Variants in LLGL2 observed in about 807,000 individuals in gnomAD.
The protein encoded by LLGL2 is LLGL2, scribble cell polarity complex component.
A neutral mutation model predicts 123.2 loss-of-function variants in LLGL2; 81 were observed. The observed-to-expected ratio is 0.66, with a 90% CI of 0.55 to 0.79. LLGL2 has a LOEUF of 0.79. Ranked by LOEUF, LLGL2 falls within the 30% of genes least tolerant of loss-of-function variation. The pLI is 0.00. For synonymous variants in LLGL2, 577 were observed against 594.1 expected (o/e 0.97, Z 0.42); for missense variants, 1,273 against 1,414.6 (o/e 0.90, Z 1.61).
chr17:75,545,619 G>C (rs1221664025), intron 2 of LLGL2, among the ~76,000 whole-genome samples: 1 of 152,196 alleles, frequency 6.6e-6, no homozygotes, highest in Admixed American at 6.5e-5. Flanking sequence ...GTGAAGCAGG[G>C]AGGCTGCTGG....
intron 6 of LLGL2, 167 bp from the exon 7 acceptor site, chr17:75,562,849 C>T: frequency 2.4e-6 from 2 of 820,040 alleles, no homozygotes; most frequent in South Asian, 3.5e-5. Flanking sequence ...GGATTACAGG[C>T]ATGAGCCACC....
intron 3 of LLGL2, among the ~76,000 whole-genome samples, chr17:75,557,234 A>G (rs912331056): frequency 1.3e-5 from 2 of 152,068 alleles, no homozygotes; most frequent in Non-Finnish European, 2.9e-5. Flanking sequence ...GACTGGCCCC[A>G]GGGCCCTATC....
In LLGL2 at chr17:75,549,398, T is replaced by C. The variant is rs570897398; in HGVS notation, c.75+5897T>C. On this transcript the variant is annotated intron_variant, in intron 2 of 25. Transcript: ENST00000392550. This position sits in a 1 kb window ranked among gnomAD's most constrained non-coding sequence, Gnocchi z 4.0. ...ACACCCATCAGGGCAAACAGGCTGCTGTGCTTGCCCGGCTGCCGCAGAAGC... is the reference window on the plus strand; with the variant it reads ...ACACCCATCAGGGCAAACAGGCTGCCGTGCTTGCCCGGCTGCCGCAGAAGC... Among the ~76,000 whole-genome samples, 1 of 152,320 alleles carries C rather than the reference T, an allele frequency of 6.6e-6. No homozygotes were observed. The highest frequency in any genetic ancestry group is 1.9e-4 in the East Asian group (1 of 5,184).
At chr17:75,553,510 T>A (rs2054770628) in intron 2 of LLGL2, among the ~76,000 whole-genome samples, 1 of 152,208 alleles carries the variant, frequency 6.6e-6, no homozygotes, top group Non-Finnish European at 1.5e-5. Context: ...GGACTTCTCC[T>A]TTTCTGCTGC....
At chr17:75,540,175 C>T (rs961254799) in intron 1 of LLGL2, among the ~76,000 whole-genome samples, 3 of 152,200 alleles carry the variant, frequency 2.0e-5, no homozygotes, top group African/African-American at 7.2e-5. Flanking sequence ...CCCCTGGCTC[C>T]CTCCAGGAAT....
chr17:75,526,085 G>A (rs2053556033), intron 1 of LLGL2, among the ~76,000 whole-genome samples: 1 of 152,176 alleles, frequency 6.6e-6, no homozygotes, highest in African/African-American at 2.4e-5. Context: ...AATAATGTTG[G>A]CTTAGGAGAG....
rs745413496 is a variant in LLGL2, at chr17:75,568,793, A to G, written c.1276A>G (p.Thr426Ala). ...CTAGGAGTGGCCAATTGATGGTGGC[A>G]CCAGCCTGACCCCAGCCCCACCCCA... is the stretch of plus-strand genomic sequence containing the variant. ...STMEWPIDGGTSLTPAPPQRD... is the reference protein window; with the variant it reads ...STMEWPIDGGASLTPAPPQRD... Residue 426 changes from threonine (T) to alanine (A), a missense_variant, in exon 12 of 26, where the codon ACC (threonine) becomes GCC (alanine). Transcript: ENST00000392550. 18 of 1,602,380 alleles carry G rather than the reference A, an allele frequency of 1.1e-5. No homozygotes were observed. The African/African-American group carries it at 1.9e-4, about 17-fold the overall frequency.
intron 2 of LLGL2, among the ~76,000 whole-genome samples, chr17:75,545,194 C>T (rs920938590): frequency 6.6e-6 from 1 of 152,062 alleles, no homozygotes; most frequent in African/African-American, 2.4e-5. Flanking sequence ...GTTGTCCCTT[C>T]TTCTTTCCCC....
At chr17:75,545,786 AAGAT>A (rs1465024645) in intron 2 of LLGL2, among the ~76,000 whole-genome samples, 1 of 152,160 alleles carries the variant, frequency 6.6e-6, no homozygotes, top group Non-Finnish European at 1.5e-5. Flanking sequence ...TGCCCCGACT[AAGAT>A]AGGTGACAGC....
rs1257527377 is a variant in LLGL2 at position 75,563,004 on chromosome 17, C to G, written c.531-12C>G. On this transcript the variant is annotated splice_polypyrimidine_tract_variant and intron_variant, in intron 6 of 25. Coordinates refer to ENST00000392550, the MANE Select transcript of LLGL2 (RefSeq NM_001031803.2). Reference sequence around the variant, plus strand: ...GACGGCATCGGAGGCTCACGGCACTCCCCTCGCCCAGGTTGCCAGAGGAGG... The same window carrying G: ...GACGGCATCGGAGGCTCACGGCACTGCCCTCGCCCAGGTTGCCAGAGGAGG... 1 of 1,610,398 alleles carries G rather than the reference C, an allele frequency of 6.2e-7. No homozygotes were observed. Among genetic ancestry groups the G allele is most frequent in the Admixed American group, 1.7e-5 (1 of 60,008 alleles).
chr17:75,547,696 A>G (rs186668084), intron 2 of LLGL2, among the ~76,000 whole-genome samples: 314 of 152,206 alleles, frequency 2.1e-3, no homozygotes, highest in African/African-American at 7.1e-3. Context: ...GTGGTGGCAC[A>G]CGCCTGTAGT....
Position 75,573,650 on chromosome 17 carries a change from G to GGCCTCTCCC in LLGL2, c.2876+23_2876+31dup, listed in dbSNP as rs779397994. On this transcript the variant is annotated intron_variant, in intron 21 of 25. Transcript: ENST00000392550. ...GAGCCAGGTGAGTGAAAGGGCCAGA[G>GGCCTCTCCC]GCCTCTCCCGCCCCTCCCGCCCCTC... The GGCCTCTCCC allele has an allele frequency of 3.2e-6, 5 of 1,570,968 alleles. No individual in the cohort carries two copies. Among genetic ancestry groups the GGCCTCTCCC allele is most frequent in the Non-Finnish European group, 4.3e-6 (5 of 1,155,116 alleles).
At position 75,532,055 on chromosome 17, in the gene LLGL2, T is replaced by TACACACACACACACACACAC. The variant is rs10526094; in HGVS notation, c.-31+6233_-31+6252dup. Among the ~76,000 whole-genome samples, 147 of 93,754 alleles carry TACACACACACACACACACAC rather than the reference T, an allele frequency of 1.6e-3. 1 individual carries two copies. Among genetic ancestry groups the TACACACACACACACACACAC allele is most frequent in the African/African-American group, 3.5e-3 (99 of 28,412 alleles). The allele number at this position is 93,754 out of a possible 152,430, so 61.5% of individuals were successfully genotyped here. A position where few individuals can be genotyped will look rare whatever the true frequency, so the allele number is the denominator to read the frequency against. On this transcript the variant is annotated intron_variant, in intron 1 of 25. Coordinates refer to ENST00000392550, the MANE Select transcript of LLGL2 (RefSeq NM_001031803.2). ...GTAATAAATTATATATATGTATATA[T>TACACACACACACACACACAC]ACACACACACACACACACACACTTT... is the stretch of plus-strand genomic sequence containing the variant.
chr17:75,574,337 C>A, intron 23 of LLGL2, 77 bp downstream of exon 23: 1 of 1,522,412 alleles, frequency 6.6e-7, no homozygotes, highest in African/African-American at 1.4e-5. Flanking sequence ...GCTGGGCAGG[C>A]CACTGCCCTG....
At chr17:75,553,149 C>A (rs2054751323) in intron 2 of LLGL2, among the ~76,000 whole-genome samples, 1 of 152,258 alleles carries the variant, frequency 6.6e-6, no homozygotes. Context: ...AGACACTCAG[C>A]TATCTCTATC....
Position 75,570,436 on chromosome 17 carries a change from C to A in LLGL2, c.1963C>A (p.Arg655Ser), listed in dbSNP as rs149923284. The change falls in exon 16 of 26, where the codon CGC becomes AGC. Residue 655 changes from arginine (R) to serine (S), a missense_variant. By Grantham distance (110) the Arg-to-Ser change is moderately radical. Coordinates refer to ENST00000392550, the MANE Select transcript of LLGL2 (RefSeq NM_001031803.2). ...SLKKSLRQSF[R>S]RMRRSRVSSR... is the part of the protein sequence containing the mutation. Reference sequence around the variant, plus strand: ...CAAGAAGTCCTTGCGTCAGTCATTCCGCCGGATGCGTCGGAGCCGGGTGTC... The same window carrying A: ...CAAGAAGTCCTTGCGTCAGTCATTCAGCCGGATGCGTCGGAGCCGGGTGTC... The A allele has an allele frequency of 4.4e-6, 7 of 1,602,534 alleles. No homozygotes were observed. Among genetic ancestry groups the A allele is most frequent in the African/African-American group, 1.3e-5 (1 of 74,706 alleles).
intron 10 of LLGL2, chr17:75,567,983 T>A: frequency 9.3e-5 from 62 of 664,216 alleles, no homozygotes; most frequent in Non-Finnish European, 1.1e-4. Flanking sequence ...GGTTTAATCA[T>A]CCAGCGCACA....
chr17:75,573,270 A>G lies in LLGL2; in HGVS notation c.2717A>G (p.Tyr906Cys), dbSNP rs2147589064. 1.9e-6 allele frequency: 3 copies of G among 1,598,936 alleles called. No individual in the cohort carries two copies. The highest frequency in any genetic ancestry group is 2.6e-6 in the Non-Finnish European group (3 of 1,169,328). Residue 906 changes from tyrosine to cysteine, a missense_variant, in exon 20 of 26, where the codon TAT (tyrosine) becomes TGT (cysteine). Transcript: ENST00000392550. The part of the protein sequence containing the change: ...SGIASCVFTK[Y>C]GQGFYLISPS... ...ATCGCCTCCTGCGTCTTCACCAAATATGGCCAAGGTGTTTGAGCCGGGCTG... is the reference window on the plus strand; with the variant it reads ...ATCGCCTCCTGCGTCTTCACCAAATGTGGCCAAGGTGTTTGAGCCGGGCTG...
chr17:75,526,306 C>T (rs1032120443), intron 1 of LLGL2, among the ~76,000 whole-genome samples: 1 of 152,184 alleles, frequency 6.6e-6, no homozygotes, highest in African/African-American at 2.4e-5. Flanking sequence ...GCCCTTTGTG[C>T]CTCCTAATCC....
Sources: gnomAD v4.1 joint callset for allele counts (sites outside exome capture counted in the v4.1 genomes callset) on GRCh38, gnomAD v4.1.1 for gene constraint, Gnocchi (gnomAD v3.1) non-coding constraint, MANE v1.5 for transcripts, NCBI Gene and HGNC (gene_info 2026-07-23, HGNC 2026-07-21) for gene names.